HHAT: variants seen among roughly 807,000 people sequenced by gnomAD.
HHAT encodes the protein hedgehog acyltransferase.
HHAT carries 47 observed loss-of-function variants against 70.8 expected under a neutral mutation model. The ratio of observed to expected loss-of-function variants is 0.66; its 90% CI spans 0.53 to 0.85. The LOEUF (loss-of-function observed/expected upper bound fraction) is 0.85, where lower values mean the gene tolerates loss of function less well. HHAT is among the 40% of genes least tolerant of loss of function. The pLI is 0.00. For missense variants in HHAT, 609 were observed against 604.8 expected (o/e 1.01, Z -0.07); for synonymous variants, 228 against 247.6 (o/e 0.92, Z 0.74).
chr1:210,459,359 G>A (rs2093933466), intron 7 of HHAT, among the ~76,000 whole-genome samples: 1 of 152,126 alleles, frequency 6.6e-6, no homozygotes, highest in African/African-American at 2.4e-5. Flanking sequence ...TATTCATTCA[G>A]TTACTTCTTA....
chr1:210,387,760 C>G (rs2091192907), intron 4 of HHAT, among the ~76,000 whole-genome samples, 179 bp downstream of exon 4: 1 of 152,178 alleles, frequency 6.6e-6, no homozygotes, highest in African/African-American at 2.4e-5. Flanking sequence ...ATATCCTGCA[C>G]TTGCTTTCTC....
At chr1:210,615,260 G>GTT (rs1168907150) in intron 10 of HHAT, among the ~76,000 whole-genome samples, 1 of 152,242 alleles carries the variant, frequency 6.6e-6, no homozygotes, top group East Asian at 1.9e-4. Flanking sequence ...TGATGGGGTT[G>GTT]TTTTTTTCTT....
At chr1:210,329,496 C>T (rs2084799518) in intron 1 of HHAT, 7 of 1,007,724 alleles carry the variant, frequency 6.9e-6, no homozygotes, top group African/African-American at 1.7e-5. Flanking sequence ...TAGAGACTTC[C>T]TTTGCGTTCT....
At chr1:210,384,250 T>TCCGAAGTC (rs1444732927) in intron 3 of HHAT, among the ~76,000 whole-genome samples, 1 of 152,322 alleles carries the variant, frequency 6.6e-6, no homozygotes, top group African/African-American at 2.4e-5. Flanking sequence ...TTCAGTGAAT[T>TCCGAAGTC]CCGAAGTCTG....
chr1:210,540,444 T>TAC (rs5780588), intron 9 of HHAT, among the ~76,000 whole-genome samples: 4,881 of 148,330 alleles, frequency 0.033, 254 homozygotes, highest in African/African-American at 0.11. Context: ...TTTTCCCTCT[T>TAC]ACACACACAC....
chr1:210,336,065 A>G (rs923397701), intron 1 of HHAT, among the ~76,000 whole-genome samples: 2 of 152,178 alleles, frequency 1.3e-5, no homozygotes, highest in South Asian at 2.1e-4. Context: ...AAGTTAGGCT[A>G]GTGGTCATCT....
At chr1:210,598,390 A>T (rs1205641659) in intron 10 of HHAT, among the ~76,000 whole-genome samples, 1 of 152,016 alleles carries the variant, frequency 6.6e-6, no homozygotes, top group Non-Finnish European at 1.5e-5. Flanking sequence ...AAGTTGAGCA[A>T]AGTATGAGGA....
intron 2 of HHAT, among the ~76,000 whole-genome samples, chr1:210,359,603 TC>T (rs1351833337): frequency 1.3e-5 from 2 of 152,110 alleles, no homozygotes; most frequent in Non-Finnish European, 2.9e-5. Flanking sequence ...GCCCTGGCCC[TC>T]TACCTGCCAA....
At chr1:210,663,813 C>T (rs906896667) in intron 11 of HHAT, among the ~76,000 whole-genome samples, 17 of 152,210 alleles carry the variant, frequency 1.1e-4, no homozygotes, top group Non-Finnish European at 2.1e-4. Context: ...CTGCAGTCTG[C>T]GTTTCAGCCT....
At chr1:210,332,107 A>C (rs2085043073) in intron 1 of HHAT, among the ~76,000 whole-genome samples, 1 of 152,204 alleles carries the variant, frequency 6.6e-6, no homozygotes, top group African/African-American at 2.4e-5. Context: ...TTCAGGTGAC[A>C]TTTTTTGGCT....
In HHAT at chr1:210,569,373, C is replaced by CA. The variant is rs71146233; in HGVS notation, c.1044-18499dup. ...CGGGCGACAGAGCCAGAGTCTGCCT[C>CA]AAAAAAAAAAAAAAAAAAAAAAAAA... On this transcript the variant is annotated intron_variant, in intron 9 of 11. Transcript: ENST00000261458. Among the ~76,000 whole-genome samples, 251 of 28,324 alleles carry CA rather than the reference C, an allele frequency of 8.9e-3. 50 individuals are homozygous for CA. Among genetic ancestry groups the CA allele is most frequent in the East Asian group, 0.05 (33 of 654 alleles). The allele number at this position is 28,324 out of a possible 152,430, so 18.6% of individuals were successfully genotyped here.
intron 9 of HHAT, among the ~76,000 whole-genome samples, chr1:210,558,564 C>A (rs1374039234): frequency 1.3e-5 from 2 of 152,194 alleles, no homozygotes; most frequent in Non-Finnish European, 2.9e-5. Context: ...AATAAATGTG[C>A]TTTCCACAGG....
chr1:210,484,153 T>A (rs1385124856), intron 8 of HHAT, among the ~76,000 whole-genome samples: 1 of 152,240 alleles, frequency 6.6e-6, no homozygotes, highest in Non-Finnish European at 1.5e-5. Context: ...CCAAGCCTGA[T>A]TTCTCACAGA....
chr1:210,629,364 A>G (rs1259135738), intron 11 of HHAT, among the ~76,000 whole-genome samples: 1 of 152,202 alleles, frequency 6.6e-6, no homozygotes, highest in East Asian at 1.9e-4. Flanking sequence ...AACAAATTCT[A>G]AAACACCCAG....
At position 210,422,601 on chromosome 1, in the gene HHAT, G is replaced by C. The variant is rs554757080; in HGVS notation, c.856+4276G>C. ...ACAAAATTTCATTCTTTTTTATGGT[G>C]GCATGGTATTCCATGGTGTAAAAAT... On this transcript the variant is annotated intron_variant, in intron 7 of 11. Coordinates refer to ENST00000261458, the MANE Select transcript of HHAT (RefSeq NM_018194.6). Among the ~76,000 whole-genome samples the C allele has an allele frequency of 2.6e-5, 4 of 152,138 alleles. No individual in the cohort carries two copies. The South Asian group carries it at 8.3e-4, about 32-fold the overall frequency.
chr1:210,407,612 C>T (rs945009825), intron 6 of HHAT, among the ~76,000 whole-genome samples: 4 of 152,160 alleles, frequency 2.6e-5, no homozygotes, highest in African/African-American at 9.7e-5. Context: ...TAATTAGTCA[C>T]GAACAGGTAA....
chr1:210,604,437 G>A (rs1215553577), intron 10 of HHAT, among the ~76,000 whole-genome samples: 1 of 151,948 alleles, frequency 6.6e-6, no homozygotes, highest in Non-Finnish European at 1.5e-5. Context: ...AGTTTTAAAT[G>A]ATCACCAAAG....
At chr1:210,647,208 G>A (rs1419361829) in intron 11 of HHAT, among the ~76,000 whole-genome samples, 1 of 152,140 alleles carries the variant, frequency 6.6e-6, no homozygotes, top group Non-Finnish European at 1.5e-5. Flanking sequence ...ACTCCTATCT[G>A]TCTCCTGTCT....
chr1:210,419,227 C>T (rs539414205), intron 7 of HHAT, among the ~76,000 whole-genome samples: 2 of 152,264 alleles, frequency 1.3e-5, no homozygotes, highest in East Asian at 3.9e-4. Context: ...ACCTTGTACA[C>T]TGTCTTGGGA....
Sources: gnomAD v4.1 joint callset for allele counts (sites outside exome capture counted in the v4.1 genomes callset) on GRCh38, gnomAD v4.1.1 for gene constraint, MANE v1.5 for transcripts, NCBI Gene and HGNC (gene_info 2026-07-23, HGNC 2026-07-21) for gene names.